The following ADGRL4 variants were observed in gnomAD, a reference collection of about 807,000 sequenced individuals.
The protein encoded by ADGRL4 is adhesion G protein-coupled receptor L4, also known as EGF, latrophilin and seven transmembrane domain containing 1.
In ADGRL4, 90 loss-of-function variants were observed where a neutral mutation model predicts 74.8. The observed-to-expected ratio is 1.20, with a 90% CI of 1.02 to 1.43. The LOEUF (loss-of-function observed/expected upper bound fraction) is 1.43, where lower values mean the gene tolerates loss of function less well. Among genes scored for constraint, ADGRL4 ranks in the 40% most tolerant of loss-of-function variants. The pLI is 0.00. For missense variants in ADGRL4, 881 were observed against 814.3 expected (o/e 1.08, Z -1.00); for synonymous variants, 311 against 279.2 (o/e 1.11, Z -1.14).
chr1:78,932,813 A>G (rs1360365748), intron 7 of ADGRL4, among the ~76,000 whole-genome samples: 2 of 151,476 alleles, frequency 1.3e-5, no homozygotes, highest in African/African-American at 4.9e-5. Flanking sequence ...CAAAAAAACT[A>G]GAATATCTAG....
intron 2 of ADGRL4, among the ~76,000 whole-genome samples, chr1:78,973,032 T>C (rs1291667007): frequency 6.6e-6 from 1 of 152,216 alleles, no homozygotes; most frequent in African/African-American, 2.4e-5. Flanking sequence ...ACCCTTAGGC[T>C]GTTAGCATTA....
intron 12 of ADGRL4, among the ~76,000 whole-genome samples, chr1:78,898,602 A>G (rs1648449813): frequency 6.6e-6 from 1 of 152,028 alleles, no homozygotes; most frequent in Non-Finnish European, 1.5e-5. Context: ...GATGGCAAGT[A>G]TAAGAACTTT....
At chr1:78,954,376 A>G (rs188243483) in intron 2 of ADGRL4, among the ~76,000 whole-genome samples, 1 of 152,252 alleles carries the variant, frequency 6.6e-6, no homozygotes, top group East Asian at 1.9e-4. Flanking sequence ...AAACAGGGAA[A>G]AAAGATAAAG....
At chr1:78,968,047 G>T (rs544580926) in intron 2 of ADGRL4, among the ~76,000 whole-genome samples, 1 of 152,198 alleles carries the variant, frequency 6.6e-6, no homozygotes, top group South Asian at 2.1e-4. Context: ...ACATGAGATT[G>T]CCAAAATGAT....
At chr1:78,946,538 T>C (rs1369175712) in intron 2 of ADGRL4, 112 bp from the exon 3 acceptor site, 2 of 842,210 alleles carry the variant, frequency 2.4e-6, no homozygotes, top group Admixed American at 5.8e-5. Flanking sequence ...GTATGTGATG[T>C]TTATATCTAC....
chr1:78,979,598 C>T (rs1319899507), intron 2 of ADGRL4, among the ~76,000 whole-genome samples: 1 of 151,912 alleles, frequency 6.6e-6, no homozygotes, highest in Non-Finnish European at 1.5e-5. Context: ...CACACGCACA[C>T]ACATGTTTAT....
chr1:78,943,671 G>A (rs189898222), intron 3 of ADGRL4, among the ~76,000 whole-genome samples: 2 of 152,250 alleles, frequency 1.3e-5, no homozygotes, highest in Non-Finnish European at 2.9e-5. Context: ...GCAAAAGGGA[G>A]TAGATTTATG....
chr1:78,923,371 T>C (rs1295919403), intron 8 of ADGRL4, among the ~76,000 whole-genome samples: 2 of 152,052 alleles, frequency 1.3e-5, no homozygotes, highest in African/African-American at 4.8e-5. Flanking sequence ...AAGAAACGGA[T>C]TGGCCCAAAA....
At chr1:78,957,833 G>A (rs1649866384) in intron 2 of ADGRL4, among the ~76,000 whole-genome samples, 1 of 152,192 alleles carries the variant, frequency 6.6e-6, no homozygotes, top group African/African-American at 2.4e-5. Context: ...GATGCCCTGT[G>A]AGACTTTCAT....
At chr1:78,940,543 C>T (rs1649454331) in intron 3 of ADGRL4, among the ~76,000 whole-genome samples, 1 of 152,034 alleles carries the variant, frequency 6.6e-6, no homozygotes, top group South Asian at 2.1e-4. Flanking sequence ...TATAAATAAT[C>T]TGCCACTAGA....
chr1:78,964,333 T>A lies in ADGRL4; in HGVS notation c.173-17907A>T, dbSNP rs150048150. 8.3e-4 allele frequency among the ~76,000 whole-genome samples: 126 copies of A among 152,310 alleles called. 4 individuals carry two copies. The East Asian group carries it at 0.022, about 27-fold the overall frequency. On this transcript the variant is annotated intron_variant, in intron 2 of 14. Transcript: ENST00000370742. ...GTGTTTATGTTTAATAACAGCCTTT[T>A]ATGACAAGCACTGAAGTCTTAGAGT... is the stretch of plus-strand genomic sequence containing the variant.
chr1:78,982,113 T>G (rs1650408080), intron 2 of ADGRL4, among the ~76,000 whole-genome samples: 1 of 151,916 alleles, frequency 6.6e-6, no homozygotes, highest in African/African-American at 2.4e-5. Context: ...GCTGATTTGT[T>G]ATAGAATTCC....
At chr1:78,925,906 C>T (rs912775152) in intron 8 of ADGRL4, among the ~76,000 whole-genome samples, 1 of 152,028 alleles carries the variant, frequency 6.6e-6, no homozygotes, top group Non-Finnish European at 1.5e-5. Context: ...TTAAAAACGT[C>T]TTTTGCATTT....
In ADGRL4 at chr1:78,926,878, C is replaced by A. The variant is rs562838945; in HGVS notation, c.1083+8G>T. 1 of 1,603,534 alleles carries A rather than the reference C, an allele frequency of 6.2e-7. No homozygotes were observed. Among genetic ancestry groups the A allele is most frequent in the South Asian group, 1.1e-5 (1 of 90,636 alleles). Reference sequence around the variant, plus strand: ...TCATAGCCAATAACTACCAGAAAAACAGCTTACCTTTCGATGACTTAATGT... The same window carrying A: ...TCATAGCCAATAACTACCAGAAAAAAAGCTTACCTTTCGATGACTTAATGT... On this transcript the variant is annotated splice_region_variant and intron_variant, in intron 8 of 14. Transcript: ENST00000370742.
intron 2 of ADGRL4, among the ~76,000 whole-genome samples, chr1:78,968,508 G>C (rs1249046496): frequency 3.6e-5 from 5 of 139,660 alleles, no homozygotes; most frequent in Non-Finnish European, 6.3e-5. Flanking sequence ...GGCGGTGGGG[G>C]GGTGGGGGGG....
chr1:78,920,363 A>G lies in ADGRL4; in HGVS notation c.1281T>C (p.Leu427=). The change falls in exon 10 of 15, where the codon CTT becomes CTC. Residue 427 remains leucine (L), a synonymous_variant. Transcript: ENST00000370742. ...PSIGIKDYNI[L]TRITQLGIII... The stretch of plus-strand genomic sequence containing the variant: ...TTATTCCTAGTTGAGTGATCCTTGT[A>G]AGAATATTATAATCTTTAATACCCT... 1 of 1,595,092 alleles carries G rather than the reference A, an allele frequency of 6.3e-7. No homozygotes were observed.
intron 2 of ADGRL4, among the ~76,000 whole-genome samples, chr1:79,002,829 T>G (rs1650872160): frequency 6.6e-6 from 1 of 152,036 alleles, no homozygotes; most frequent in African/African-American, 2.4e-5. Context: ...AAACATCTGT[T>G]GAAATTAAAA....
In ADGRL4 at chr1:78,967,829, C is replaced by CA. The variant is rs112780356; in HGVS notation, c.173-21404dup. On this transcript the variant is annotated intron_variant, in intron 2 of 14. Transcript: ENST00000370742. ...TAAAATTTTCGAGTCATCATTTTGC[C>CA]AAAAAAAAAAATAATAACTTATGGT... Among the ~76,000 whole-genome samples, 269 of 144,614 alleles carry CA rather than the reference C, an allele frequency of 1.9e-3. 1 individual carries two copies. The highest frequency in any genetic ancestry group is 3.9e-3 in the African/African-American group (153 of 38,864). 94.9% of individuals were successfully genotyped at this position (144,614 alleles called of 152,430 possible). A position where few individuals can be genotyped will look rare whatever the true frequency, so the allele number is the denominator to read the frequency against.
At chr1:78,920,535 A>C (rs1275840068) in intron 9 of ADGRL4, 149 bp from the exon 10 acceptor site, 1 of 593,604 alleles carries the variant, frequency 1.7e-6, no homozygotes, top group East Asian at 2.9e-5. Flanking sequence ...TAGATGAGAA[A>C]AATTTTGTAC....
Sources: allele counts gnomAD v4.1 joint callset (sites outside exome capture counted in the v4.1 genomes callset), GRCh38; gene constraint gnomAD v4.1.1; transcripts MANE v1.5; gene names NCBI Gene and HGNC (gene_info 2026-07-23, HGNC 2026-07-21).